Variants in ETV6 observed in about 807,000 individuals in gnomAD.
ETV6 encodes transcription factor ETV6.
In ETV6, 16 loss-of-function variants were observed where a neutral mutation model predicts 51.1. The observed-to-expected ratio is 0.31, with a 90% CI of 0.21 to 0.48. ETV6 has a LOEUF of 0.48. Ranked by LOEUF, ETV6 falls within the 20% of genes least tolerant of loss-of-function variation. The pLI, the probability that ETV6 is intolerant of heterozygous loss-of-function variation, is 0.99. For missense variants in ETV6, 458 were observed against 594.8 expected (o/e 0.77, Z 2.39); for synonymous variants, 240 against 224.1 (o/e 1.07, Z -0.64).
intron 2 of ETV6, among the ~76,000 whole-genome samples, chr12:11,784,646 C>T (rs80161692): frequency 0.016 from 2,436 of 151,200 alleles, 76 homozygotes; most frequent in African/African-American, 0.056. Flanking sequence ...GAGCGGAGTT[C>T]GGAAACAGGA....
intron 2 of ETV6, among the ~76,000 whole-genome samples, chr12:11,779,112 C>G (rs1261346995): frequency 6.6e-6 from 1 of 152,212 alleles, no homozygotes; most frequent in Non-Finnish European, 1.5e-5. Context: ...ACCAAACATA[C>G]AAGTTGAGCC....
intron 1 of ETV6, among the ~76,000 whole-genome samples, chr12:11,714,492 A>G (rs536265849): frequency 2.0e-4 from 30 of 152,256 alleles, no homozygotes; most frequent in Non-Finnish European, 4.1e-4. Flanking sequence ...GCTGAAACCA[A>G]TTAAGTAAAT....
intron 3 of ETV6, among the ~76,000 whole-genome samples, chr12:11,852,081 G>GA (rs1946564703): frequency 6.6e-6 from 1 of 152,150 alleles, no homozygotes; most frequent in African/African-American, 2.4e-5. Flanking sequence ...AGGGTGTGAG[G>GA]AGACAGTCAC....
At chr12:11,665,471 A>G (rs1320796930) in intron 1 of ETV6, among the ~76,000 whole-genome samples, 1 of 152,238 alleles carries the variant, frequency 6.6e-6, no homozygotes, top group Non-Finnish European at 1.5e-5. Context: ...TCCTTGAATT[A>G]TCATCCACAC....
chr12:11,874,557 TGTATGTGC>T lies in ETV6; in HGVS notation c.1009+4591_1009+4598del, dbSNP rs567039559. ...ATGTGCGTGTGTACACACATATATG[TGTATGTGC>T]GTGTGTACACATATATGTGTGTATA... On this transcript the variant is annotated intron_variant, in intron 5 of 7. Coordinates refer to ENST00000396373, the MANE Select transcript of ETV6 (RefSeq NM_001987.5). Among the ~76,000 whole-genome samples the T allele has an allele frequency of 1.5e-3, 3 of 2,028 alleles. 1 individual carries two copies. The highest frequency in any genetic ancestry group is 2.1e-3 in the Non-Finnish European group (1 of 484). The allele number at this position is 2,028 out of a possible 152,430, so 1.3% of individuals were successfully genotyped here.
chr12:11,792,424 C>A (rs1373809287), intron 2 of ETV6, among the ~76,000 whole-genome samples: 1 of 152,182 alleles, frequency 6.6e-6, no homozygotes, highest in Non-Finnish European at 1.5e-5. Context: ...CGAGGTGGCT[C>A]ACGCCTGTAA....
In ETV6 at chr12:11,883,268, G is replaced by GTCTTCTTCT. The variant is rs1192965393; in HGVS notation, c.1010-1175_1010-1167dup. ...AGAACAAGGGGAAGGTGTACATCAT[G>GTCTTCTTCT]TCTTCTTCTTTTTTTTTTTTTTTTT... On this transcript the variant is annotated intron_variant, in intron 5 of 7. Coordinates refer to ENST00000396373, the MANE Select transcript of ETV6 (RefSeq NM_001987.5). 2.7e-3 allele frequency among the ~76,000 whole-genome samples: 140 copies of GTCTTCTTCT among 51,394 alleles called. 2 individuals are homozygous for GTCTTCTTCT. Among genetic ancestry groups the GTCTTCTTCT allele is most frequent in the Non-Finnish European group, 2.7e-3 (65 of 23,954 alleles). 33.7% of individuals were successfully genotyped at this position (51,394 alleles called of 152,430 possible).
chr12:11,794,617 T>A (rs955386642), intron 2 of ETV6, among the ~76,000 whole-genome samples: 3 of 152,246 alleles, frequency 2.0e-5, no homozygotes, highest in Non-Finnish European at 1.5e-5. Context: ...TCCTTGCACC[T>A]GAGTTTTTTA....
intron 2 of ETV6, among the ~76,000 whole-genome samples, chr12:11,794,495 C>G (rs1241726121): frequency 6.6e-6 from 1 of 152,172 alleles, no homozygotes; most frequent in Non-Finnish European, 1.5e-5. Context: ...CTGTCTGAAG[C>G]CTGGTGATTA....
rs117922503 is a variant in ETV6 at position 11,746,047 on chromosome 12, C to G, written c.34-6403C>G. On this transcript the variant is annotated intron_variant, in intron 1 of 7. Transcript: ENST00000396373. ...CCGTCAGCTGAATGCATTTACCCCT[C>G]AGTCTGTGCTACCCATAGGATAAGC... Among the ~76,000 whole-genome samples, 65 of 152,296 alleles carry G rather than the reference C, an allele frequency of 4.3e-4. No homozygotes were observed. The East Asian group carries it at 0.012, about 29-fold the overall frequency.
chr12:11,786,374 A>G (rs1053517371), intron 2 of ETV6, among the ~76,000 whole-genome samples: 3 of 151,820 alleles, frequency 2.0e-5, no homozygotes, highest in Admixed American at 2.0e-4. Flanking sequence ...AGATATATAT[A>G]CGCTAATTCA....
rs1001136752 is a variant in ETV6, at chr12:11,785,510, G to A, written c.163+32931G>A. 2.0e-5 allele frequency among the ~76,000 whole-genome samples: 3 copies of A among 152,278 alleles called. No individual in the cohort carries two copies. The East Asian group carries it at 5.8e-4, about 29-fold the overall frequency. Reference sequence around the variant, plus strand: ...ATTTTTCTGTTTCGTTCATTGCTGTGTCCCTGATGCCTAGAACAATGCCTG... The same window carrying A: ...ATTTTTCTGTTTCGTTCATTGCTGTATCCCTGATGCCTAGAACAATGCCTG... On this transcript the variant is annotated intron_variant, in intron 2 of 7. Transcript: ENST00000396373.
chr12:11,783,597 A>G (rs1461633177), intron 2 of ETV6, among the ~76,000 whole-genome samples: 1 of 152,220 alleles, frequency 6.6e-6, no homozygotes, highest in Non-Finnish European at 1.5e-5. Context: ...GTTGGTAAGA[A>G]TCAGAGAGTT....
At chr12:11,681,823 G>A (rs909510674) in intron 1 of ETV6, among the ~76,000 whole-genome samples, 3 of 152,174 alleles carry the variant, frequency 2.0e-5, no homozygotes, top group African/African-American at 7.2e-5. Context: ...TGCAGTGTTA[G>A]GCTTTCTGTT....
intron 7 of ETV6, among the ~76,000 whole-genome samples, chr12:11,889,082 T>C (rs1246577843): frequency 6.6e-6 from 1 of 151,818 alleles, no homozygotes; most frequent in Non-Finnish European, 1.5e-5. Flanking sequence ...AGAAGCTTAA[T>C]ATGGGAAAGT....
chr12:11,815,492 A>G (rs1169307344), intron 2 of ETV6, among the ~76,000 whole-genome samples: 1 of 152,182 alleles, frequency 6.6e-6, no homozygotes, highest in African/African-American at 2.4e-5. Flanking sequence ...CAGCCAGAAG[A>G]TCTCTATTCT....
At chr12:11,809,165 CAA>C (rs11458715) in intron 2 of ETV6, among the ~76,000 whole-genome samples, 2 of 132,272 alleles carry the variant, frequency 1.5e-5, no homozygotes, top group Non-Finnish European at 1.6e-5. Context: ...GACCCTGTGT[CAA>C]AAAAAAAAAA....
chr12:11,892,320 C>G lies in ETV6; in HGVS notation c.*1274C>G, dbSNP rs139887205. The G allele has an allele frequency of 2.9e-3, 654 of 228,320 alleles. No individual in the cohort carries two copies. Among genetic ancestry groups the G allele is most frequent in the Non-Finnish European group, 3.9e-3 (454 of 116,880 alleles). The allele number at this position is 228,320 out of a possible 1,614,324, so 14.1% of individuals were successfully genotyped here. A position where few individuals can be genotyped will look rare whatever the true frequency, so the allele number is the denominator to read the frequency against. On this transcript the variant is annotated 3_prime_UTR_variant, in exon 8 of 8. Transcript: ENST00000396373. ...GGATCCCAGAGGGCAGTCTCAGTTGCAATCAGTGTGTGCCCAGCCTGGGCA... is the reference window on the plus strand; with the variant it reads ...GGATCCCAGAGGGCAGTCTCAGTTGGAATCAGTGTGTGCCCAGCCTGGGCA...
intron 1 of ETV6, among the ~76,000 whole-genome samples, chr12:11,694,609 T>C (rs1296362898): frequency 1.3e-5 from 2 of 152,210 alleles, no homozygotes; most frequent in Admixed American, 6.5e-5. Context: ...CTTTAAAATA[T>C]CTCCTCCCTA....
Sources: allele counts gnomAD v4.1 joint callset (sites outside exome capture counted in the v4.1 genomes callset), GRCh38; gene constraint gnomAD v4.1.1; transcripts MANE v1.5; gene names NCBI Gene and HGNC (gene_info 2026-07-23, HGNC 2026-07-21).